CFAP206: variants seen among roughly 807,000 people sequenced by gnomAD.
CFAP206 encodes the protein cilia and flagella associated protein 206.
Under a neutral mutation model 65.4 loss-of-function variants are expected in CFAP206, and 53 were observed. The observed-to-expected ratio is 0.81, with a 90% CI of 0.65 to 1.02. The LOEUF is 1.02. Among genes scored for constraint, CFAP206 ranks in the 50% least tolerant of loss-of-function variants. The pLI is 0.00. For synonymous variants in CFAP206, 250 were observed against 254.4 expected, an observed-to-expected ratio of 0.98 and a Z score of 0.17; for missense variants, 663 against 753.2, an observed-to-expected ratio of 0.88 and a Z score of 1.40.
rs1259450097 is a variant in CFAP206, at chr6:87,415,871, A to G, written c.469A>G (p.Thr157Ala). 4.6e-6 allele frequency: 7 copies of G among 1,537,260 alleles called. No individual in the cohort carries two copies. The highest frequency in any genetic ancestry group is 6.1e-6 in the Non-Finnish European group (7 of 1,142,170). The change falls in exon 5 of 13, where the codon ACA becomes GCA. Residue 157 changes from threonine (T) to alanine (A), a missense_variant. By Grantham distance (58) the Thr-to-Ala change is moderately conservative. Transcript: ENST00000369562. ...AGACATCAAGACTGTCAGAGAGGTA[A>G]CAGGTAAAAAGTATAACCAATTTCC... is the stretch of plus-strand genomic sequence containing the variant. The part of the protein sequence containing the change: ...PTDIKTVREV[T>A]AALQSVFPQA...
At chr6:87,413,365 A>G (rs1326148590) in intron 3 of CFAP206, among the ~76,000 whole-genome samples, 1 of 152,220 alleles carries the variant, frequency 6.6e-6, no homozygotes, top group Non-Finnish European at 1.5e-5. Context: ...TAAGTGAAAT[A>G]ACTCAGAAAG....
At chr6:87,430,471 T>C (rs1305389184) in intron 9 of CFAP206, among the ~76,000 whole-genome samples, 2 of 152,206 alleles carry the variant, frequency 1.3e-5, no homozygotes, top group African/African-American at 4.8e-5. Context: ...GTTATCAAAA[T>C]CAGGTAACAT....
At chr6:87,462,339 C>CT (rs1562012455) in intron 12 of CFAP206, among the ~76,000 whole-genome samples, 2 of 152,196 alleles carry the variant, frequency 1.3e-5, no homozygotes, top group African/African-American at 2.4e-5. Flanking sequence ...CCCCATATAT[C>CT]TTCCAGATCA....
chr6:87,412,826 A>C (rs1045526867), intron 3 of CFAP206, among the ~76,000 whole-genome samples: 5 of 151,700 alleles, frequency 3.3e-5, no homozygotes, highest in Admixed American at 3.3e-4. Flanking sequence ...ATGCCTGGCT[A>C]ATTGTTGTAT....
chr6:87,440,782 C>G (rs1582145148), intron 11 of CFAP206, among the ~76,000 whole-genome samples: 1 of 152,144 alleles, frequency 6.6e-6, no homozygotes, highest in African/African-American at 2.4e-5. Flanking sequence ...AGGCCAGCAT[C>G]TAATGAGGAT....
chr6:87,416,000 CA>C, intron 5 of CFAP206, 126 bp downstream of exon 5: 5 of 671,054 alleles, frequency 7.5e-6, no homozygotes, highest in Non-Finnish European at 1.1e-5. Context: ...AAAAAAAAAT[CA>C]GCACAAATGA....
At chr6:87,435,218 G>A in intron 11 of CFAP206, 165 bp downstream of exon 11, 1 of 473,724 alleles carries the variant, frequency 2.1e-6, no homozygotes, top group Non-Finnish European at 3.8e-6. Flanking sequence ...AAAACTAATT[G>A]AATCAAAGAA....
intron 12 of CFAP206, 92 bp from the exon 13 acceptor site, chr6:87,463,928 A>T: frequency 2.1e-6 from 2 of 956,618 alleles, no homozygotes; most frequent in Non-Finnish European, 3.0e-6. Context: ...GATTGAAGAC[A>T]AAAATAGGCA....
intron 11 of CFAP206, among the ~76,000 whole-genome samples, chr6:87,448,599 C>T (rs1044994800): frequency 6.6e-6 from 1 of 152,048 alleles, no homozygotes; most frequent in Non-Finnish European, 1.5e-5. Flanking sequence ...AACACTAGAA[C>T]TTATTCCTCC....
At chr6:87,428,914 T>C in intron 9 of CFAP206, 90 bp downstream of exon 9, 1 of 1,234,986 alleles carries the variant, frequency 8.1e-7, no homozygotes, top group Non-Finnish European at 1.2e-6. Context: ...CATATCTTTC[T>C]GATAAAGCAT....
chr6:87,458,027 T>A (rs1768678582), intron 11 of CFAP206, among the ~76,000 whole-genome samples: 1 of 152,062 alleles, frequency 6.6e-6, no homozygotes, highest in South Asian at 2.1e-4. Flanking sequence ...GATAGACATT[T>A]CTCAAAAGAA....
Position 87,413,819 on chromosome 6 carries a change from A to G in CFAP206, c.202A>G (p.Thr68Ala). Residue 68 changes from threonine to alanine, a missense_variant, in exon 4 of 13, where the codon ACT (threonine) becomes GCT (alanine). Coordinates refer to ENST00000369562, the MANE Select transcript of CFAP206 (RefSeq NM_001031743.3). ...GGACATTCTTTTCTAGCTTTGTATG[A>G]CTCGGCTATTGGATACTAAAAATCC... is the stretch of plus-strand genomic sequence containing the variant. The part of the protein sequence containing the change: ...DVQNLVKLCM[T>A]RLLDTKNPSL... The G allele has an allele frequency of 6.4e-7, 1 of 1,561,132 alleles. No homozygotes were observed. The highest frequency in any genetic ancestry group is 1.2e-5 in the South Asian group (1 of 81,564).
intron 1 of CFAP206, 97 bp from the exon 2 acceptor site, chr6:87,409,738 A>T (rs918486882): frequency 4.1e-6 from 3 of 739,350 alleles, no homozygotes; most frequent in Non-Finnish European, 6.9e-6. Context: ...TGATATTATG[A>T]CTGTTTACAA....
At chr6:87,415,139 C>A (rs1298102570) in intron 4 of CFAP206, among the ~76,000 whole-genome samples, 1 of 151,924 alleles carries the variant, frequency 6.6e-6, no homozygotes, top group Admixed American at 6.6e-5. Flanking sequence ...GGATACAGTT[C>A]TCGATGCAAC....
At chr6:87,417,482 A>G (rs1767853382) in intron 6 of CFAP206, among the ~76,000 whole-genome samples, 1 of 151,984 alleles carries the variant, frequency 6.6e-6, no homozygotes, top group Non-Finnish European at 1.5e-5. Flanking sequence ...TTCCATTTTC[A>G]TAAATGACCC....
intron 12 of CFAP206, among the ~76,000 whole-genome samples, chr6:87,463,483 CCTTGCTTCCCAG>C (rs1475652772): frequency 6.6e-6 from 1 of 152,160 alleles, no homozygotes; most frequent in African/African-American, 2.4e-5. Context: ...ATAAGCTCCT[CCTTGCTTCCCAG>C]CCTGAGTAAT....
chr6:87,448,789 TTAACA>T (rs1369074244), intron 11 of CFAP206, among the ~76,000 whole-genome samples: 2 of 152,114 alleles, frequency 1.3e-5, no homozygotes, highest in African/African-American at 4.8e-5. Flanking sequence ...CTTATTTCAT[TTAACA>T]TAATGTCCTC....
intron 11 of CFAP206, among the ~76,000 whole-genome samples, chr6:87,454,814 C>T (rs1287860782): frequency 7.5e-6 from 1 of 133,968 alleles, no homozygotes; most frequent in African/African-American, 2.8e-5. Context: ...CACTGCACTC[C>T]AGCCTGGGTG....
At chr6:87,437,825 ATTTTTTTTT>A (rs1206669821) in intron 11 of CFAP206, among the ~76,000 whole-genome samples, 7 of 104,496 alleles carry the variant, frequency 6.7e-5, no homozygotes, top group East Asian at 2.8e-4. Flanking sequence ...TGCCTGGCTA[ATTTTTTTTT>A]TTTTTTTTTT....
Sources: allele counts gnomAD v4.1 joint callset (sites outside exome capture counted in the v4.1 genomes callset), GRCh38; gene constraint gnomAD v4.1.1; transcripts MANE v1.5; gene names NCBI Gene and HGNC (gene_info 2026-07-23, HGNC 2026-07-21).